Variants in DENND1B observed in about 807,000 individuals in gnomAD.
The protein encoded by DENND1B is DENN domain containing 1B.
Under a neutral mutation model 90.1 loss-of-function variants are expected in DENND1B, and 59 were observed. The observed-to-expected ratio is 0.65, with a 90% CI of 0.53 to 0.81. The LOEUF (loss-of-function observed/expected upper bound fraction) is 0.81. DENND1B is among the 40% of genes least tolerant of loss of function. The pLI, the probability that DENND1B is intolerant of heterozygous loss-of-function variation, is 0.00. For synonymous variants in DENND1B, 337 were observed against 324.6 expected (o/e 1.04, Z -0.41); for missense variants, 862 against 912.6 (o/e 0.94, Z 0.71).
rs186211321 is a variant in DENND1B at position 197,748,185 on chromosome 1, C to T, written c.82+24683G>A. Among the ~76,000 whole-genome samples the T allele has an allele frequency of 3.9e-3, 555 of 142,336 alleles. 4 individuals are homozygous for T. Among genetic ancestry groups the T allele is most frequent in the African/African-American group, 0.013 (510 of 38,636 alleles). 93.4% of individuals were successfully genotyped at this position (142,336 alleles called of 152,430 possible). A position where few individuals can be genotyped will look rare whatever the true frequency, so the allele number is the denominator to read the frequency against. ...TTAGTTAAAAAAGATAAATTTCAAA[C>T]GGTCAATAATATGATATCCAAAATA... On this transcript the variant is annotated intron_variant, in intron 2 of 22. Transcript: ENST00000620048.
intron 11 of DENND1B, among the ~76,000 whole-genome samples, chr1:197,613,704 T>G (rs916995955): frequency 1.2e-5 from 1 of 86,934 alleles, no homozygotes; most frequent in African/African-American, 4.2e-5. Flanking sequence ...TTTGATACCT[T>G]TAACAAAATG....
chr1:197,773,969 T>C (rs368248987), intron 1 of DENND1B, among the ~76,000 whole-genome samples: 1 of 152,240 alleles, frequency 6.6e-6, no homozygotes, highest in East Asian at 1.9e-4. Flanking sequence ...ATTTCTTTTT[T>C]TGGAAGCTTT....
intron 11 of DENND1B, among the ~76,000 whole-genome samples, chr1:197,617,268 G>A (rs916149985): frequency 2.6e-5 from 4 of 151,082 alleles, no homozygotes; most frequent in African/African-American, 4.8e-5. Flanking sequence ...ACAAGAGTAT[G>A]CCCTGACAGA....
intron 14 of DENND1B, among the ~76,000 whole-genome samples, chr1:197,586,812 G>A (rs961271123): frequency 8.5e-5 from 13 of 152,170 alleles, no homozygotes; most frequent in Admixed American, 2.0e-4. Context: ...AGCTTCAGCC[G>A]AATCCCATGG....
intron 7 of DENND1B, among the ~76,000 whole-genome samples, chr1:197,649,748 T>C (rs1376855254): frequency 6.6e-6 from 1 of 152,148 alleles, no homozygotes; most frequent in Non-Finnish European, 1.5e-5. Flanking sequence ...AAATCTAAGA[T>C]CTGAAACTAT....
At chr1:197,773,182 G>A (rs1157921878) in intron 1 of DENND1B, 2 of 504,854 alleles carry the variant, frequency 4.0e-6, no homozygotes, top group Admixed American at 6.5e-5. Context: ...TTACCTATGA[G>A]GTGCCTTGTC....
At chr1:197,587,754 G>A (rs1006138146) in intron 14 of DENND1B, among the ~76,000 whole-genome samples, 1 of 152,068 alleles carries the variant, frequency 6.6e-6, no homozygotes. Flanking sequence ...TACGTTTATT[G>A]TGTACTTTAT....
chr1:197,598,115 A>G (rs989968300), intron 13 of DENND1B, among the ~76,000 whole-genome samples: 1 of 151,910 alleles, frequency 6.6e-6, no homozygotes, highest in Non-Finnish European at 1.5e-5. Flanking sequence ...AATTTCATAC[A>G]GATTTTAAAC....
intron 13 of DENND1B, chr1:197,605,425 T>C (rs918340401): frequency 3.3e-5 from 5 of 151,172 alleles, no homozygotes; most frequent in Admixed American, 6.6e-5. Flanking sequence ...CTATCATTGA[T>C]TGAAGCTGCC....
chr1:197,564,631 C>CT (rs1365623516), intron 15 of DENND1B, among the ~76,000 whole-genome samples: 2 of 151,848 alleles, frequency 1.3e-5, no homozygotes, highest in Admixed American at 6.6e-5. Flanking sequence ...TGGTCTGGAA[C>CT]TGAACCCACA....
At chr1:197,606,286 G>GC (rs1258720394) in intron 13 of DENND1B, 1 of 150,562 alleles carries the variant, frequency 6.6e-6, no homozygotes, top group Non-Finnish European at 1.5e-5. Flanking sequence ...ACAACCCTCC[G>GC]CAAGATCAAA....
At chr1:197,517,949 T>TTTC (rs1668517410) in intron 20 of DENND1B, among the ~76,000 whole-genome samples, 2 of 152,004 alleles carry the variant, frequency 1.3e-5, no homozygotes, top group East Asian at 3.9e-4. Flanking sequence ...GTTTGTTTTT[T>TTTC]AGTTATCCTT....
intron 13 of DENND1B, among the ~76,000 whole-genome samples, chr1:197,601,809 GCA>G (rs1424345270): frequency 4.6e-5 from 7 of 151,616 alleles, no homozygotes; most frequent in Non-Finnish European, 1.0e-4. Context: ...ATGTTTACAA[GCA>G]CAGTTAAGGT....
At chr1:197,680,085 C>G (rs1331188830) in intron 3 of DENND1B, among the ~76,000 whole-genome samples, 1 of 151,926 alleles carries the variant, frequency 6.6e-6, no homozygotes. Flanking sequence ...TGGAGGTGAT[C>G]GCACTACTTG....
chr1:197,698,219 C>G (rs982695570), intron 3 of DENND1B, among the ~76,000 whole-genome samples: 1 of 152,140 alleles, frequency 6.6e-6, no homozygotes, highest in African/African-American at 2.4e-5. Flanking sequence ...AACAGTCTCT[C>G]AGACCACAGT....
At chr1:197,746,564 T>C (rs1349234519) in intron 2 of DENND1B, among the ~76,000 whole-genome samples, 1 of 152,224 alleles carries the variant, frequency 6.6e-6, no homozygotes, top group East Asian at 1.9e-4. Context: ...TGCTTCATTT[T>C]ATTCACTTCA....
At chr1:197,599,157 A>G (rs113765630) in intron 13 of DENND1B, among the ~76,000 whole-genome samples, 234 of 151,978 alleles carry the variant, frequency 1.5e-3, no homozygotes, top group Non-Finnish European at 2.7e-3. Flanking sequence ...TACATGTTAA[A>G]AGAGTGCAAG....
chr1:197,541,002 G>A lies in DENND1B; in HGVS notation c.1364C>T (p.Ala455Val). The change falls in exon 19 of 23, where the codon GCA (alanine) becomes GTA (valine). Residue 455 changes from alanine to valine, a missense_variant. Transcript: ENST00000620048. The stretch of plus-strand genomic sequence containing the variant: ...CTTCACTTCCTTTAGTCCCAGCTTT[G>A]CATGATTTTTTGCCTAGAAAATGAT... ...RTAYKFAKNH[A>V]KLGLKEVKSK... The A allele has an allele frequency of 6.2e-7, 1 of 1,612,234 alleles. No individual in the cohort carries two copies. The highest frequency in any genetic ancestry group is 2.2e-5 in the East Asian group (1 of 44,622).
chr1:197,772,781 T>G, intron 2 of DENND1B, 87 bp downstream of exon 2: 2 of 1,174,438 alleles, frequency 1.7e-6, no homozygotes, highest in Non-Finnish European at 2.4e-6. Flanking sequence ...GCCCTGATCA[T>G]GCCACTGCAC....
Sources: allele counts gnomAD v4.1 joint callset (sites outside exome capture counted in the v4.1 genomes callset), GRCh38; gene constraint gnomAD v4.1.1; transcripts MANE v1.5; gene names NCBI Gene and HGNC (gene_info 2026-07-23, HGNC 2026-07-21).